The following TOX variants were observed in gnomAD, a reference collection of about 807,000 sequenced individuals.
TOX encodes thymocyte selection-associated high mobility group box protein TOX.
TOX carries 11 observed loss-of-function variants against 53.7 expected under a neutral mutation model. The observed-to-expected ratio is 0.20, with a 90% confidence interval of 0.13 to 0.34. The LOEUF is 0.34. Ranked by LOEUF, TOX falls within the 10% of genes least tolerant of loss-of-function variation. TOX has a pLI of 1.00. For synonymous variants in TOX, 225 were observed against 245.3 expected (o/e 0.92, Z 0.77); for missense variants, 570 against 664.6 (o/e 0.86, Z 1.56).
At chr8:58,938,569 A>G (rs570768647) in intron 3 of TOX, among the ~76,000 whole-genome samples, 5 of 152,326 alleles carry the variant, frequency 3.3e-5, no homozygotes, top group Admixed American at 1.3e-4. Flanking sequence ...TGACATAAAA[A>G]TCAGAAGGAA....
chr8:58,853,715 T>A (rs1204583069), intron 3 of TOX, among the ~76,000 whole-genome samples: 1 of 152,186 alleles, frequency 6.6e-6, no homozygotes, highest in Non-Finnish European at 1.5e-5. Context: ...TCAACAATGG[T>A]TTTATCTAGC....
At chr8:58,834,616 T>A (rs898405790) in intron 5 of TOX, among the ~76,000 whole-genome samples, 7 of 152,242 alleles carry the variant, frequency 4.6e-5, no homozygotes, top group African/African-American at 1.7e-4. Context: ...ATTTTCTGGA[T>A]GCCCAAATGT....
At chr8:59,040,184 C>T (rs1258486718) in intron 1 of TOX, among the ~76,000 whole-genome samples, 2 of 151,830 alleles carry the variant, frequency 1.3e-5, no homozygotes, top group African/African-American at 4.8e-5. Flanking sequence ...AAAAAATTAG[C>T]CGGGCGTAGT....
chr8:59,005,115 T>C (rs1333180491), intron 1 of TOX, among the ~76,000 whole-genome samples: 1 of 152,058 alleles, frequency 6.6e-6, no homozygotes, highest in East Asian at 1.9e-4. Flanking sequence ...CTCGGCTCAC[T>C]GCAAGCTCTG....
chr8:58,967,153 C>T (rs1055065783), intron 1 of TOX, among the ~76,000 whole-genome samples: 2 of 152,080 alleles, frequency 1.3e-5, no homozygotes, highest in South Asian at 2.1e-4. Flanking sequence ...GGATTACAGG[C>T]GTGAGCCACC....
chr8:58,897,896 A>T (rs954346782), intron 3 of TOX, among the ~76,000 whole-genome samples: 2 of 152,158 alleles, frequency 1.3e-5, no homozygotes, highest in East Asian at 1.9e-4. Flanking sequence ...ATGGAAAAAA[A>T]TTTTTTAATT....
chr8:58,881,638 C>T (rs765935431), intron 3 of TOX, among the ~76,000 whole-genome samples: 24 of 148,336 alleles, frequency 1.6e-4, no homozygotes, highest in Non-Finnish European at 2.7e-4. Context: ...GCACGAGAAT[C>T]GCTGGAACTT....
At chr8:58,975,371 T>C (rs1813077600) in intron 1 of TOX, among the ~76,000 whole-genome samples, 1 of 152,138 alleles carries the variant, frequency 6.6e-6, no homozygotes, top group Admixed American at 6.5e-5. Context: ...CCAGGTTCTC[T>C]TCTAGAAAAG....
intron 3 of TOX, among the ~76,000 whole-genome samples, chr8:58,873,062 A>G (rs1210769877): frequency 3.3e-5 from 5 of 152,128 alleles, no homozygotes; most frequent in Non-Finnish European, 5.9e-5. Flanking sequence ...TACTCCCAAT[A>G]GTCAAGCTGT....
At chr8:58,924,993 G>T (rs779518455) in intron 3 of TOX, among the ~76,000 whole-genome samples, 2 of 152,136 alleles carry the variant, frequency 1.3e-5, no homozygotes, top group Non-Finnish European at 2.9e-5. Context: ...TCACTGCAGC[G>T]CTCCCTACTT....
At chr8:59,091,515 A>G (rs1804606300) in intron 1 of TOX, among the ~76,000 whole-genome samples, 1 of 149,286 alleles carries the variant, frequency 6.7e-6, no homozygotes, top group African/African-American at 2.6e-5. Flanking sequence ...CAATATAGAC[A>G]GACAGATCTA....
chr8:58,929,597 A>C (rs1241776142), intron 3 of TOX, among the ~76,000 whole-genome samples: 2 of 152,142 alleles, frequency 1.3e-5, no homozygotes, highest in South Asian at 4.1e-4. Context: ...TCTTGAAATG[A>C]GACTGGCTCA....
At chr8:58,974,186 T>C (rs1813052579) in intron 1 of TOX, among the ~76,000 whole-genome samples, 2 of 152,212 alleles carry the variant, frequency 1.3e-5, no homozygotes, top group African/African-American at 4.8e-5. Flanking sequence ...TTTTGATTGT[T>C]ATGACTGACG....
chr8:58,873,058 C>CA (rs1489758037), intron 3 of TOX, among the ~76,000 whole-genome samples: 1 of 152,026 alleles, frequency 6.6e-6, no homozygotes. Flanking sequence ...GTTTTACTCC[C>CA]AATAGTCAAG....
chr8:58,935,482 C>T (rs1301957436), intron 3 of TOX, among the ~76,000 whole-genome samples: 1 of 152,138 alleles, frequency 6.6e-6, no homozygotes, highest in Non-Finnish European at 1.5e-5. Context: ...GGCTTCTACT[C>T]ATAGGATTTT....
chr8:59,074,886 T>C (rs933855746), intron 1 of TOX, among the ~76,000 whole-genome samples: 1 of 151,820 alleles, frequency 6.6e-6, no homozygotes, highest in African/African-American at 2.4e-5. Context: ...CAAGAGAAAA[T>C]AGGCAGCCAC....
chr8:58,819,382 A>T (rs1040352552), intron 6 of TOX, among the ~76,000 whole-genome samples: 2 of 152,194 alleles, frequency 1.3e-5, no homozygotes, highest in Non-Finnish European at 2.9e-5. Flanking sequence ...GACAACTGAA[A>T]ATCAACCTTT....
intron 1 of TOX, among the ~76,000 whole-genome samples, chr8:58,965,031 A>G (rs1199061273): frequency 1.3e-5 from 2 of 152,192 alleles, no homozygotes; most frequent in African/African-American, 4.8e-5. Flanking sequence ...AACTAACTGC[A>G]TTTCCTTACT....
At chr8:58,891,779 C>G in intron 3 of TOX, among the ~76,000 whole-genome samples, 1 of 152,198 alleles carries the variant, frequency 6.6e-6, no homozygotes, top group Middle Eastern at 3.2e-3. Context: ...TAGGAAGCAA[C>G]TCTGCTTTCT....
Sources: allele counts gnomAD v4.1 joint callset (sites outside exome capture counted in the v4.1 genomes callset), GRCh38; gene constraint gnomAD v4.1.1; transcripts MANE v1.5; gene names NCBI Gene and HGNC (gene_info 2026-07-23, HGNC 2026-07-21).